The following CSMD3 variants were observed in gnomAD, a reference collection of about 807,000 sequenced individuals.
CSMD3 encodes the protein CUB and Sushi multiple domains 3, also known as CUB and sushi domain-containing protein 3.
In CSMD3, 177 loss-of-function variants were observed where a neutral mutation model predicts 435.2. The ratio of observed to expected loss-of-function variants is 0.41; its 90% CI spans 0.36 to 0.46. The LOEUF is 0.46. CSMD3 is among the 20% of genes least tolerant of loss of function. The pLI, the probability that CSMD3 is intolerant of heterozygous loss-of-function variation, is 0.34. For synonymous variants in CSMD3, 1,656 were observed against 1,520.5 expected, an observed-to-expected ratio of 1.09 and a Z score of -2.07; for missense variants, 4,265 against 4,504.6, an observed-to-expected ratio of 0.95 and a Z score of 1.52.
intron 13 of CSMD3, among the ~76,000 whole-genome samples, chr8:112,761,873 G>T (rs1201144726): frequency 1.3e-5 from 2 of 151,946 alleles, no homozygotes; most frequent in East Asian, 1.9e-4. Flanking sequence ...TTGGCCTTGT[G>T]GTATTGCCAG....
intron 32 of CSMD3, among the ~76,000 whole-genome samples, chr8:112,425,789 CTAT>C (rs1334596506): frequency 1.3e-5 from 2 of 151,750 alleles, no homozygotes; most frequent in African/African-American, 4.8e-5. Context: ...TGAAAATTTT[CTAT>C]TATTAAACTC....
intron 38 of CSMD3, among the ~76,000 whole-genome samples, chr8:112,366,020 G>A (rs1473568172): frequency 1.3e-5 from 2 of 152,130 alleles, no homozygotes; most frequent in African/African-American, 4.8e-5. Flanking sequence ...TCAAGACCCT[G>A]AAGCATTTCT....
intron 10 of CSMD3, among the ~76,000 whole-genome samples, chr8:112,897,686 C>CTGTG (rs1363499348): frequency 3.5e-4 from 31 of 89,096 alleles, no homozygotes; most frequent in African/African-American, 1.2e-3. Context: ...CTCTCTCTCT[C>CTGTG]TCTCTCTCTG....
chr8:112,844,160 C>T (rs1362933970), intron 11 of CSMD3, among the ~76,000 whole-genome samples: 1 of 151,894 alleles, frequency 6.6e-6, no homozygotes, highest in Non-Finnish European at 1.5e-5. Flanking sequence ...TAGTGCCTGT[C>T]ACATACACTC....
chr8:112,652,531 G>A (rs1223901500), intron 18 of CSMD3, among the ~76,000 whole-genome samples: 1 of 152,014 alleles, frequency 6.6e-6, no homozygotes, highest in African/African-American at 2.4e-5. Context: ...GAATATATGG[G>A]GTTAATAATT....
intron 68 of CSMD3, among the ~76,000 whole-genome samples, chr8:112,231,875 T>C (rs892436453): frequency 2.6e-5 from 4 of 152,232 alleles, no homozygotes; most frequent in Non-Finnish European, 4.4e-5. Flanking sequence ...ATGTATGATA[T>C]AGACATCTGC....
intron 7 of CSMD3, among the ~76,000 whole-genome samples, chr8:112,960,121 T>C (rs577919129): frequency 6.6e-6 from 1 of 151,924 alleles, no homozygotes; most frequent in East Asian, 1.9e-4. Flanking sequence ...AGATGACTTT[T>C]TTTTGTTTGT....
chr8:112,715,911 C>A (rs890556781), intron 13 of CSMD3, among the ~76,000 whole-genome samples: 1 of 152,026 alleles, frequency 6.6e-6, no homozygotes, highest in Non-Finnish European at 1.5e-5. Flanking sequence ...ACTAGATATT[C>A]ATGCAAAATA....
chr8:113,098,969 A>G lies in CSMD3; in HGVS notation c.710-6T>C, dbSNP rs1244744631. On this transcript the variant is annotated splice_region_variant and splice_polypyrimidine_tract_variant and intron_variant, in intron 4 of 70. Coordinates refer to ENST00000297405, the MANE Select transcript of CSMD3 (RefSeq NM_198123.2). ...TCCTCCACAAGCATCTTCAGCTGTTAAAAATGACAAAATATTCAGTTGTAA... is the reference window on the plus strand; with the variant it reads ...TCCTCCACAAGCATCTTCAGCTGTTGAAAATGACAAAATATTCAGTTGTAA... 6.4e-7 allele frequency: 1 copy of G among 1,567,820 alleles called. No homozygotes were observed. Among genetic ancestry groups the G allele is most frequent in the Non-Finnish European group, 8.8e-7 (1 of 1,138,618 alleles).
intron 1 of CSMD3, among the ~76,000 whole-genome samples, chr8:113,415,525 G>C (rs2044182217): frequency 6.6e-6 from 1 of 152,146 alleles, no homozygotes; most frequent in Non-Finnish European, 1.5e-5. Context: ...TTTATTTAAA[G>C]TTAGGTTTTC....
At chr8:113,308,935 T>C (rs138402455) in intron 2 of CSMD3, among the ~76,000 whole-genome samples, 328 of 152,204 alleles carry the variant, frequency 2.2e-3, no homozygotes, top group African/African-American at 7.6e-3. Flanking sequence ...CAGATGTTTT[T>C]TGTTTTTTTG....
chr8:112,486,205 A>G (rs186342170), intron 31 of CSMD3, among the ~76,000 whole-genome samples: 7 of 151,778 alleles, frequency 4.6e-5, no homozygotes, highest in Non-Finnish European at 8.8e-5. Context: ...TCTTAGTGCC[A>G]TACATCATTT....
At chr8:113,431,227 A>C (rs1279719086) in intron 1 of CSMD3, among the ~76,000 whole-genome samples, 1 of 152,218 alleles carries the variant, frequency 6.6e-6, no homozygotes, top group Non-Finnish European at 1.5e-5. Flanking sequence ...ATACTCATCC[A>C]AAGTCCAAAT....
intron 38 of CSMD3, among the ~76,000 whole-genome samples, chr8:112,356,641 G>T (rs1289681282): frequency 6.6e-6 from 1 of 151,324 alleles, no homozygotes; most frequent in African/African-American, 2.4e-5. Flanking sequence ...GAATTCCCAC[G>T]TGTTGTGGGA....
intron 32 of CSMD3, among the ~76,000 whole-genome samples, chr8:112,459,364 G>T (rs376124742): frequency 0.18 from 26,264 of 146,718 alleles, 2,886 homozygotes; most frequent in Middle Eastern, 0.36. Flanking sequence ...TGTGTGGGGG[G>T]GGGGGGTTTA....
chr8:112,789,324 T>C (rs2078629524), intron 13 of CSMD3, among the ~76,000 whole-genome samples: 1 of 152,034 alleles, frequency 6.6e-6, no homozygotes, highest in Non-Finnish European at 1.5e-5. Flanking sequence ...AATATATCAA[T>C]ATCAAATTTA....
chr8:112,921,764 A>G lies in CSMD3; in HGVS notation c.1509-13T>C. On this transcript the variant is annotated splice_polypyrimidine_tract_variant and intron_variant, in intron 9 of 70. Coordinates refer to ENST00000297405, the MANE Select transcript of CSMD3 (RefSeq NM_198123.2). ...AGTTGATCCAAGGCTAAAGTTAAAT[A>G]AAAGAGAAAAAATATGATAAGAAAG... The G allele has an allele frequency of 6.3e-7, 1 of 1,592,688 alleles. No individual in the cohort carries two copies. The highest frequency in any genetic ancestry group is 8.6e-7 in the Non-Finnish European group (1 of 1,161,106).
At chr8:113,205,758 A>T (rs1017632225) in intron 3 of CSMD3, among the ~76,000 whole-genome samples, 4 of 152,202 alleles carry the variant, frequency 2.6e-5, no homozygotes, top group African/African-American at 9.6e-5. Flanking sequence ...AACACAGATG[A>T]AACAACTACA....
chr8:113,191,124 A>G (rs1288862816), intron 3 of CSMD3, among the ~76,000 whole-genome samples: 2 of 151,792 alleles, frequency 1.3e-5, no homozygotes, highest in East Asian at 3.9e-4. Context: ...TTTCTTTGTT[A>G]CAGAGAAACA....
Sources: gnomAD v4.1 joint callset for allele counts (sites outside exome capture counted in the v4.1 genomes callset) on GRCh38, gnomAD v4.1.1 for gene constraint, MANE v1.5 for transcripts, NCBI Gene and HGNC (gene_info 2026-07-23, HGNC 2026-07-21) for gene names.